MTUS1: variants seen among roughly 807,000 people sequenced by gnomAD.
The protein encoded by MTUS1 is microtubule associated scaffold protein 1.
A neutral mutation model predicts 120.8 loss-of-function variants in MTUS1; 109 were observed. The observed-to-expected ratio is 0.90, with a 90% CI of 0.77 to 1.06. The LOEUF (loss-of-function observed/expected upper bound fraction) is 1.06. Ranked by LOEUF, MTUS1 falls within the 50% of genes least tolerant of loss-of-function variation. The pLI, the probability that MTUS1 is intolerant of heterozygous loss-of-function variation, is 0.00. For missense variants in MTUS1, 2,210 were observed against 1,486.3 expected, an observed-to-expected ratio of 1.49 and a Z score of -8.01; for synonymous variants, 737 against 550.5, an observed-to-expected ratio of 1.34 and a Z score of -4.74.
chr8:17,761,493 G>C (rs148779417), intron 1 of MTUS1, among the ~76,000 whole-genome samples: 2 of 152,278 alleles, frequency 1.3e-5, no homozygotes, highest in African/African-American at 4.8e-5. Flanking sequence ...GTTGTCAATA[G>C]CAGATTATAC....
Position 17,654,680 on chromosome 8 carries a change from A to G in MTUS1, c.3109-14T>C. On this transcript the variant is annotated splice_polypyrimidine_tract_variant and intron_variant, in intron 9 of 14. Coordinates refer to ENST00000693296, the MANE Select transcript of MTUS1 (RefSeq NM_001363059.2). ...TAAGTTGTCAAACTGTAAGCAACAA[A>G]CAAAACCGTGGTTTAACAGTAAAAC... 1 of 1,597,662 alleles carries G rather than the reference A, an allele frequency of 6.3e-7. No homozygotes were observed. The highest frequency in any genetic ancestry group is 1.3e-5 in the African/African-American group (1 of 74,768).
intron 1 of MTUS1, among the ~76,000 whole-genome samples, chr8:17,795,162 A>G (rs1464481650): frequency 1.3e-5 from 2 of 152,230 alleles, no homozygotes; most frequent in African/African-American, 4.8e-5. Context: ...AAGATAAGCT[A>G]ACTACCCAAC....
intron 1 of MTUS1, among the ~76,000 whole-genome samples, chr8:17,767,308 A>G (rs1429826664): frequency 6.6e-6 from 1 of 151,756 alleles, no homozygotes; most frequent in Non-Finnish European, 1.5e-5. Context: ...GATGATGATG[A>G]TAAGGAATTT....
At chr8:17,669,719 C>T (rs1811625340) in intron 8 of MTUS1, among the ~76,000 whole-genome samples, 1 of 152,084 alleles carries the variant, frequency 6.6e-6, no homozygotes, top group Non-Finnish European at 1.5e-5. Flanking sequence ...GTGGTGCGCA[C>T]CTGTATTCCC....
At chr8:17,769,189 G>A (rs1025512073) in intron 1 of MTUS1, among the ~76,000 whole-genome samples, 4 of 147,020 alleles carry the variant, frequency 2.7e-5, no homozygotes, top group Non-Finnish European at 6.0e-5. Flanking sequence ...TAAGGTTCAA[G>A]AATTCTGATT....
At chr8:17,702,988 C>G (rs1353764187) in intron 6 of MTUS1, among the ~76,000 whole-genome samples, 1 of 152,168 alleles carries the variant, frequency 6.6e-6, no homozygotes, top group Non-Finnish European at 1.5e-5. Context: ...TCTTTGTAAG[C>G]TGAGGATGTA....
chr8:17,653,702 A>C, intron 10 of MTUS1: 1 of 492,708 alleles, frequency 2.0e-6, no homozygotes, highest in Non-Finnish European at 3.5e-6. Flanking sequence ...CCATTTTATG[A>C]CTGAGAGCCC....
chr8:17,664,664 C>G (rs1419794714), intron 8 of MTUS1, among the ~76,000 whole-genome samples: 1 of 152,014 alleles, frequency 6.6e-6, no homozygotes, highest in African/African-American at 2.4e-5. Flanking sequence ...TCTCTTGTGC[C>G]CCACCCCCAG....
chr8:17,774,628 G>C (rs2050269562), intron 1 of MTUS1, among the ~76,000 whole-genome samples: 1 of 152,132 alleles, frequency 6.6e-6, no homozygotes, highest in Admixed American at 6.5e-5. Flanking sequence ...GAACCCCCTT[G>C]CGTTGCTGGT....
chr8:17,646,456 C>T (rs1397993830), intron 14 of MTUS1, among the ~76,000 whole-genome samples: 3 of 152,116 alleles, frequency 2.0e-5, no homozygotes, highest in African/African-American at 7.2e-5. Flanking sequence ...CGCATGGTGA[C>T]ATGTGCCTGT....
intron 2 of MTUS1, among the ~76,000 whole-genome samples, chr8:17,745,922 C>G (rs1482367131): frequency 6.6e-6 from 1 of 152,146 alleles, no homozygotes; most frequent in Non-Finnish European, 1.5e-5. Flanking sequence ...TAGAAGCAGA[C>G]TTCCCCCTTG....
intron 1 of MTUS1, among the ~76,000 whole-genome samples, chr8:17,782,481 A>G (rs186099245): frequency 6.6e-6 from 1 of 152,350 alleles, no homozygotes; most frequent in African/African-American, 2.4e-5. Context: ...CAAATTCAAG[A>G]TAAATATTTG....
chr8:17,735,059 C>T (rs1423324036), intron 3 of MTUS1, among the ~76,000 whole-genome samples: 1 of 152,138 alleles, frequency 6.6e-6, no homozygotes, highest in African/African-American at 2.4e-5. Flanking sequence ...GCTGAGACCA[C>T]AGGCGGGAGC....
chr8:17,778,803 T>G (rs945593612), intron 1 of MTUS1, among the ~76,000 whole-genome samples: 19 of 152,070 alleles, frequency 1.2e-4, no homozygotes, highest in African/African-American at 4.3e-4. Context: ...AGTAAGACTC[T>G]ATCTCCAAAA....
chr8:17,722,211 G>C (rs2045898688), intron 4 of MTUS1: 11 of 1,017,132 alleles, frequency 1.1e-5, no homozygotes, highest in Non-Finnish European at 1.3e-5. Context: ...AGGAGCATCA[G>C]ACACAGTACT....
At chr8:17,727,085 G>A (rs541774505) in intron 3 of MTUS1, among the ~76,000 whole-genome samples, 81 of 152,108 alleles carry the variant, frequency 5.3e-4, no homozygotes, top group African/African-American at 2.0e-3. Context: ...CTATCTCATT[G>A]TCACCCCCAT....
chr8:17,713,162 A>T (rs1004836661), intron 6 of MTUS1, 52 bp downstream of exon 6: 3 of 1,385,028 alleles, frequency 2.2e-6, no homozygotes, highest in Non-Finnish European at 2.0e-6. Flanking sequence ...TTGTAGTAAC[A>T]TAACTTTACA....
At chr8:17,721,333 G>C (rs1004521208) in intron 4 of MTUS1, among the ~76,000 whole-genome samples, 1 of 152,132 alleles carries the variant, frequency 6.6e-6, no homozygotes. Context: ...GGAAAATAAA[G>C]ATGTGATGTT....
At chr8:17,658,242 G>C (rs1181467245) in intron 8 of MTUS1, among the ~76,000 whole-genome samples, 1 of 152,062 alleles carries the variant, frequency 6.6e-6, no homozygotes, top group African/African-American at 2.4e-5. Flanking sequence ...TACCATGTTG[G>C]TCAGGCTGTT....
Sources: allele counts gnomAD v4.1 joint callset (sites outside exome capture counted in the v4.1 genomes callset), GRCh38; gene constraint gnomAD v4.1.1; transcripts MANE v1.5; gene names NCBI Gene and HGNC (gene_info 2026-07-23, HGNC 2026-07-21).